VPS35L: variants seen among roughly 807,000 people sequenced by gnomAD.
The protein encoded by VPS35L is VPS35 endosomal protein sorting factor like.
A neutral mutation model predicts 133.0 loss-of-function variants in VPS35L; 83 were observed. The observed-to-expected ratio is 0.62, with a 90% CI of 0.52 to 0.75. VPS35L has a LOEUF of 0.75. Ranked by LOEUF, VPS35L falls within the 30% of genes least tolerant of loss-of-function variation. The pLI, the probability that VPS35L is intolerant of heterozygous loss-of-function variation, is 0.00. For missense variants in VPS35L, 1,083 were observed against 1,206.8 expected, an observed-to-expected ratio of 0.90 and a Z score of 1.52; for synonymous variants, 423 against 449.9, an observed-to-expected ratio of 0.94 and a Z score of 0.76.
At chr16:19,565,681 C>A (rs934024053) in intron 2 of VPS35L, among the ~76,000 whole-genome samples, 1 of 152,146 alleles carries the variant, frequency 6.6e-6, no homozygotes, top group Non-Finnish European at 1.5e-5. Context: ...AGTTTGTTCA[C>A]TGCCTCTTTT....
intron 26 of VPS35L, among the ~76,000 whole-genome samples, chr16:19,656,677 GC>G (rs747620797): frequency 1.4e-3 from 214 of 151,946 alleles, no homozygotes; most frequent in Non-Finnish European, 2.3e-3. Flanking sequence ...TGGCCCACCG[GC>G]ACATAGTAGC....
intron 24 of VPS35L, among the ~76,000 whole-genome samples, chr16:19,648,970 G>T (rs897437840): frequency 6.7e-6 from 1 of 149,304 alleles, no homozygotes. Flanking sequence ...TATATAAATT[G>T]AAAGAAAAAT....
At chr16:19,683,975 A>G (rs1005600598) in intron 28 of VPS35L, among the ~76,000 whole-genome samples, 4 of 152,228 alleles carry the variant, frequency 2.6e-5, no homozygotes, top group African/African-American at 9.6e-5. Flanking sequence ...AGTGTGCTAC[A>G]CAATAAACTG....
chr16:19,690,324 G>T (rs1975623531), intron 28 of VPS35L, among the ~76,000 whole-genome samples: 1 of 152,192 alleles, frequency 6.6e-6, no homozygotes, highest in South Asian at 2.1e-4. Context: ...GAGTGGGGAG[G>T]GAAGGAGGGA....
chr16:19,644,633 CCTTTT>C (rs1440004352), intron 22 of VPS35L, among the ~76,000 whole-genome samples: 2 of 152,140 alleles, frequency 1.3e-5, no homozygotes, highest in African/African-American at 2.4e-5. Flanking sequence ...GTGAAAGTTA[CCTTTT>C]CTTTTCTTGT....
At chr16:19,581,851 G>A in intron 7 of VPS35L, 198 bp downstream of exon 7, 1 of 664,828 alleles carries the variant, frequency 1.5e-6, no homozygotes, top group Non-Finnish European at 2.5e-6. Flanking sequence ...GTTACCATGT[G>A]CAGCTGCACA....
chr16:19,608,849 G>A lies in VPS35L; in HGVS notation c.882-125G>A. The stretch of plus-strand genomic sequence containing the variant: ...ATAAGCTACCTTAGTTCGCTGGATT[G>A]TTGAGGGCCACTGTGGTCCCCATCT... On this transcript the variant is annotated intron_variant, in intron 10 of 30. Coordinates refer to ENST00000417362, the MANE Select transcript of VPS35L (RefSeq NM_020314.7). The A allele has an allele frequency of 5.6e-6, 4 of 710,310 alleles. No individual in the cohort carries two copies. The East Asian group carries it at 7.9e-5, about 14-fold the overall frequency. The allele number at this position is 710,310 out of a possible 1,614,324, so 44.0% of individuals were successfully genotyped here.
Position 19,682,372 on chromosome 16 carries a change from C to T in VPS35L, c.2509C>T (p.Leu837Phe). Residue 837 changes from leucine (L) to phenylalanine (F), a missense_variant, in exon 28 of 31, where the codon CTT (leucine) becomes TTT (phenylalanine). Leu to Phe is a conservative substitution (Grantham distance 22). Transcript: ENST00000417362. Reference sequence around the variant, plus strand: ...CTCCGCCATGAGCCAGGAGACGTACCTTTACCACATAGACAAAGGTAGCAG... The same window carrying T: ...CTCCGCCATGAGCCAGGAGACGTACTTTTACCACATAGACAAAGGTAGCAG... ...LLSAMSQETYLYHIDKVDSND... is the reference protein window; with the variant it reads ...LLSAMSQETYFYHIDKVDSND... 1 of 1,614,198 alleles carries T rather than the reference C, an allele frequency of 6.2e-7. No homozygotes were observed. Among genetic ancestry groups the T allele is most frequent in the African/African-American group, 1.3e-5 (1 of 75,058 alleles).
At chr16:19,664,763 G>T (rs908446962) in intron 26 of VPS35L, among the ~76,000 whole-genome samples, 1 of 151,848 alleles carries the variant, frequency 6.6e-6, no homozygotes, top group Non-Finnish European at 1.5e-5. Context: ...AGCCTGGCAC[G>T]GTGGCATGTG....
At chr16:19,628,610 A>G (rs1270010873) in intron 16 of VPS35L, 27 bp from the exon 17 acceptor site, 2 of 1,261,722 alleles carry the variant, frequency 1.6e-6, no homozygotes, top group African/African-American at 3.0e-5. Flanking sequence ...AAATTTCCAT[A>G]ACATGATGGT....
chr16:19,637,538 G>T (rs986275865), intron 19 of VPS35L, 56 bp from the exon 20 acceptor site: 17 of 1,319,172 alleles, frequency 1.3e-5, no homozygotes, highest in Non-Finnish European at 1.7e-5. Flanking sequence ...AAACCAGAAA[G>T]AAATTTTTAA....
At chr16:19,560,953 G>A (rs2151497717) in intron 1 of VPS35L, among the ~76,000 whole-genome samples, 1 of 152,078 alleles carries the variant, frequency 6.6e-6, no homozygotes, top group East Asian at 1.9e-4. Flanking sequence ...TGGGAGTTTG[G>A]AGGAATATTT....
rs1567388583 is a variant in VPS35L, at chr16:19,570,868, TA to T, written c.285+1278del. Among the ~76,000 whole-genome samples, 90 of 85,374 alleles carry T rather than the reference TA, an allele frequency of 1.1e-3. 3 individuals carry two copies. The highest frequency in any genetic ancestry group is 4.1e-3 in the African/African-American group (74 of 18,062). The allele number at this position is 85,374 out of a possible 152,430, so 56.0% of individuals were successfully genotyped here. The stretch of plus-strand genomic sequence containing the variant: ...ATATATATATATATATATATATATA[TA>T]TATATATATATATATATATATTTTT... On this transcript the variant is annotated intron_variant, in intron 3 of 30. Coordinates refer to ENST00000417362, the MANE Select transcript of VPS35L (RefSeq NM_020314.7).
intron 1 of VPS35L, among the ~76,000 whole-genome samples, chr16:19,563,546 A>G (rs549428051): frequency 6.6e-6 from 1 of 152,132 alleles, no homozygotes; most frequent in Admixed American, 6.5e-5. Context: ...GATTCCAGTT[A>G]TATGTGTGTT....
intron 12 of VPS35L, among the ~76,000 whole-genome samples, chr16:19,615,205 T>C (rs948243010): frequency 3.3e-5 from 5 of 152,204 alleles, no homozygotes; most frequent in South Asian, 2.1e-4. Flanking sequence ...CATTCCTTTT[T>C]AGTTCTGTAT....
At chr16:19,676,505 T>A (rs1975067311) in intron 27 of VPS35L, among the ~76,000 whole-genome samples, 1 of 152,184 alleles carries the variant, frequency 6.6e-6, no homozygotes, top group African/African-American at 2.4e-5. Flanking sequence ...CATGTAACAA[T>A]GTGGTAAGAC....
intron 26 of VPS35L, 117 bp downstream of exon 26, chr16:19,652,207 C>A: frequency 2.7e-6 from 2 of 751,134 alleles, no homozygotes; most frequent in South Asian, 3.3e-5. Flanking sequence ...GACAGAGTCT[C>A]ACTCTGTCAC....
intron 29 of VPS35L, among the ~76,000 whole-genome samples, chr16:19,698,994 C>T (rs1976014837): frequency 6.6e-6 from 1 of 152,142 alleles, no homozygotes; most frequent in African/African-American, 2.4e-5. Flanking sequence ...CTGATGTCAG[C>T]GTGTAAAGGC....
At chr16:19,681,070 T>C (rs1794634958) in intron 27 of VPS35L, among the ~76,000 whole-genome samples, 1 of 152,202 alleles carries the variant, frequency 6.6e-6, no homozygotes, top group African/African-American at 2.4e-5. Context: ...GCACAGACTC[T>C]AGTCAGAGAG....
Sources: allele counts gnomAD v4.1 joint callset (sites outside exome capture counted in the v4.1 genomes callset), GRCh38; gene constraint gnomAD v4.1.1; transcripts MANE v1.5; gene names NCBI Gene and HGNC (gene_info 2026-07-23, HGNC 2026-07-21).